ZHX2: variants seen among roughly 807,000 people sequenced by gnomAD.
ZHX2 encodes zinc fingers and homeoboxes 2, also known as zinc fingers and homeoboxes protein 2.
ZHX2 carries 6 observed loss-of-function variants against 21.9 expected under a neutral mutation model. That is an observed-to-expected ratio of 0.27 (90% confidence interval 0.15 to 0.54). The LOEUF is 0.54. Ranked by LOEUF, ZHX2 falls within the 20% of genes least tolerant of loss-of-function variation. The pLI is 0.95. For missense variants in ZHX2, 908 were observed against 1,090.7 expected (o/e 0.83, Z 2.36); for synonymous variants, 434 against 437.1 (o/e 0.99, Z 0.09).
chr8:122,826,364 C>T (rs1818266131), intron 1 of ZHX2, among the ~76,000 whole-genome samples: 1 of 152,208 alleles, frequency 6.6e-6, no homozygotes, highest in African/African-American at 2.4e-5. Flanking sequence ...TCAGGAGACA[C>T]TGTACCAGGC....
At chr8:122,853,950 G>A (rs555594131) in intron 1 of ZHX2, among the ~76,000 whole-genome samples, 24 of 152,236 alleles carry the variant, frequency 1.6e-4, no homozygotes, top group East Asian at 1.2e-3. Context: ...ACAACAAAAC[G>A]TCTTTGTGGC....
At position 122,870,813 on chromosome 8, in the gene ZHX2, G is replaced by A. The variant is rs145979718; in HGVS notation, c.-220+7274G>A. On this transcript the variant is annotated intron_variant, in intron 2 of 3. Coordinates refer to ENST00000314393, the MANE Select transcript of ZHX2 (RefSeq NM_014943.5). ...TCAACTGAGCAGTCACAGCAGAAATGGAGTGGGGAACTCACTCCAGAGCAC... is the reference window on the plus strand; with the variant it reads ...TCAACTGAGCAGTCACAGCAGAAATAGAGTGGGGAACTCACTCCAGAGCAC... 1.9e-3 allele frequency among the ~76,000 whole-genome samples: 296 copies of A among 152,216 alleles called. 1 individual carries two copies. The highest frequency in any genetic ancestry group is 6.6e-3 in the African/African-American group (272 of 41,516).
chr8:122,884,047 T>G (rs1023774593), intron 2 of ZHX2, among the ~76,000 whole-genome samples: 1 of 152,230 alleles, frequency 6.6e-6, no homozygotes, highest in Non-Finnish European at 1.5e-5. Context: ...ACACCTAGGC[T>G]GGGCGGTAGA....
intron 1 of ZHX2, among the ~76,000 whole-genome samples, chr8:122,852,325 A>G (rs1004924398): frequency 2.6e-5 from 4 of 152,204 alleles, no homozygotes; most frequent in African/African-American, 4.8e-5. Flanking sequence ...GCGGCTTTAA[A>G]TAATAGTGAC....
chr8:122,890,251 G>A (rs979973945), intron 2 of ZHX2, among the ~76,000 whole-genome samples: 12 of 152,016 alleles, frequency 7.9e-5, no homozygotes, highest in South Asian at 2.1e-4. Flanking sequence ...TGCCTTTGTC[G>A]AAAATAAGCT....
chr8:122,884,005 C>G (rs1254042121), intron 2 of ZHX2, among the ~76,000 whole-genome samples: 22 of 152,180 alleles, frequency 1.4e-4, no homozygotes, highest in Admixed American at 1.4e-3. Flanking sequence ...ATAGAGTGAA[C>G]TCACACAAAC....
chr8:122,918,606 G>A (rs1351424799), intron 2 of ZHX2, among the ~76,000 whole-genome samples: 2 of 152,142 alleles, frequency 1.3e-5, no homozygotes, highest in African/African-American at 2.4e-5. Context: ...ACTTAATTCT[G>A]CTGTTGAAGC....
intron 1 of ZHX2, chr8:122,807,867 C>T (rs1324111383): frequency 6.6e-6 from 1 of 152,236 alleles, no homozygotes; most frequent in African/African-American, 2.4e-5. Context: ...ACTCTAGACA[C>T]TGTCTCTTAA....
At chr8:122,790,568 G>C (rs548600575) in intron 1 of ZHX2, among the ~76,000 whole-genome samples, 1 of 152,038 alleles carries the variant, frequency 6.6e-6, no homozygotes, top group South Asian at 2.1e-4. Context: ...GGGTGTGCTC[G>C]GACAATCCTA....
At chr8:122,863,789 A>T (rs1447470470) in intron 2 of ZHX2, among the ~76,000 whole-genome samples, 1 of 152,068 alleles carries the variant, frequency 6.6e-6, no homozygotes, top group African/African-American at 2.4e-5. Flanking sequence ...CTCTGCTCTG[A>T]TGATAGCAGC....
At chr8:122,890,082 T>C (rs891519585) in intron 2 of ZHX2, among the ~76,000 whole-genome samples, 9 of 152,208 alleles carry the variant, frequency 5.9e-5, no homozygotes, top group African/African-American at 9.6e-5. Flanking sequence ...AGTAGTTTTA[T>C]AGTTTGGGGT....
At chr8:122,830,606 C>T (rs991430021) in intron 1 of ZHX2, among the ~76,000 whole-genome samples, 9 of 152,134 alleles carry the variant, frequency 5.9e-5, no homozygotes, top group South Asian at 2.1e-4. Flanking sequence ...GCAGGAGCAT[C>T]GCCTGCATTG....
chr8:122,964,803 A>G (rs1813537897), intron 3 of ZHX2, among the ~76,000 whole-genome samples: 1 of 149,996 alleles, frequency 6.7e-6, no homozygotes, highest in South Asian at 2.1e-4. Flanking sequence ...TTTTTTTATT[A>G]CTCTTTCAGT....
chr8:122,896,876 G>A (rs1820111920), intron 2 of ZHX2, among the ~76,000 whole-genome samples: 1 of 152,198 alleles, frequency 6.6e-6, no homozygotes, highest in East Asian at 1.9e-4. Context: ...ACAGTGTCTG[G>A]GAATTAGATG....
chr8:122,801,799 C>A (rs1307447735), intron 1 of ZHX2, among the ~76,000 whole-genome samples: 2 of 152,248 alleles, frequency 1.3e-5, no homozygotes, highest in Non-Finnish European at 2.9e-5. Context: ...TAATATCCTC[C>A]CTTGCCCTAA....
intron 2 of ZHX2, among the ~76,000 whole-genome samples, chr8:122,907,474 C>T (rs1001962144): frequency 4.6e-5 from 7 of 152,138 alleles, no homozygotes; most frequent in African/African-American, 7.2e-5. Flanking sequence ...TCTCAGTGAG[C>T]GGAGGGGTGA....
chr8:122,967,958 G>C (rs746412310), intron 3 of ZHX2, among the ~76,000 whole-genome samples: 1 of 152,186 alleles, frequency 6.6e-6, no homozygotes, highest in East Asian at 1.9e-4. Flanking sequence ...ACCATCAGGT[G>C]GGGGCAGGGT....
At chr8:122,937,223 C>T (rs1381502920) in intron 2 of ZHX2, among the ~76,000 whole-genome samples, 1 of 152,182 alleles carries the variant, frequency 6.6e-6, no homozygotes, top group Non-Finnish European at 1.5e-5. Context: ...TAGGAGACCT[C>T]ATGGAAGCAG....
Position 122,951,459 on chromosome 8 carries a change from GCCCCCTCCTTAT to G in ZHX2, c.-43_-32del, listed in dbSNP as rs1185419445. 4.7e-6 allele frequency: 7 copies of G among 1,492,052 alleles called. No individual in the cohort carries two copies. The highest frequency in any genetic ancestry group is 4.1e-5 in the Admixed American group (2 of 49,102). The allele number at this position is 1,492,052 out of a possible 1,614,324, so 92.4% of individuals were successfully genotyped here. A position where few individuals can be genotyped will look rare whatever the true frequency, so the allele number is the denominator to read the frequency against. On this transcript the variant is annotated 5_prime_UTR_variant, in exon 3 of 4. Transcript: ENST00000314393. ...CCTTATTCGTTCCAAGAATCTCACC[GCCCCCTCCTTAT>G]CCCCCTCCAAAAATAAGCCATTGCA...
Sources: gnomAD v4.1 joint callset for allele counts (sites outside exome capture counted in the v4.1 genomes callset) on GRCh38, gnomAD v4.1.1 for gene constraint, MANE v1.5 for transcripts, NCBI Gene and HGNC (gene_info 2026-07-23, HGNC 2026-07-21) for gene names.